Variants in MOV10L1 observed in about 807,000 individuals in gnomAD.
MOV10L1 encodes RNA helicase Mov10l1.
MOV10L1 carries 110 observed loss-of-function variants against 143.8 expected under a neutral mutation model. That is an observed-to-expected ratio of 0.76 (90% CI 0.66 to 0.90). The LOEUF is 0.90. Ranked by LOEUF, MOV10L1 falls within the 40% of genes least tolerant of loss-of-function variation. MOV10L1 has a pLI of 0.00. For synonymous variants in MOV10L1, 593 were observed against 581.1 expected, an observed-to-expected ratio of 1.02 and a Z score of -0.29; for missense variants, 1,406 against 1,526.8, an observed-to-expected ratio of 0.92 and a Z score of 1.32.
chr22:50,090,759 C>T, intron 1 of MOV10L1: 1 of 477,930 alleles, frequency 2.1e-6, no homozygotes, highest in Non-Finnish European at 3.8e-6. Context: ...TCACCGCAAC[C>T]TCCGCCTTCT....
At chr22:50,126,154 T>C in intron 11 of MOV10L1, 48 bp from the exon 12 acceptor site, 1 of 1,345,868 alleles carries the variant, frequency 7.4e-7, no homozygotes, top group Non-Finnish European at 1.1e-6. Flanking sequence ...GCACAGAAAT[T>C]TGTGATTTTG....
chr22:50,145,885 A>AG (rs1240362481), intron 19 of MOV10L1, 75 bp downstream of exon 19: 35 of 1,587,954 alleles, frequency 2.2e-5, no homozygotes, highest in Non-Finnish European at 2.7e-5. Flanking sequence ...CTTCTGTCTG[A>AG]GGGGCGGATG....
intron 5 of MOV10L1, among the ~76,000 whole-genome samples, chr22:50,113,132 G>A (rs376932401): frequency 6.6e-6 from 1 of 152,172 alleles, no homozygotes; most frequent in East Asian, 1.9e-4. Flanking sequence ...AGTAGAAGAA[G>A]GGGAAGTAAG....
At chr22:50,154,306 C>G (rs1314002086) in intron 22 of MOV10L1, among the ~76,000 whole-genome samples, 1 of 152,098 alleles carries the variant, frequency 6.6e-6, no homozygotes, top group African/African-American at 2.4e-5. Flanking sequence ...CCTGTAACCC[C>G]AGCACTTTGG....
intron 15 of MOV10L1, among the ~76,000 whole-genome samples, chr22:50,136,494 C>T (rs778383399): frequency 8.5e-5 from 13 of 152,226 alleles, no homozygotes; most frequent in African/African-American, 1.2e-4. Context: ...ACAACAATTT[C>T]AGACATTAAC....
At chr22:50,139,968 A>G (rs948828121) in intron 15 of MOV10L1, among the ~76,000 whole-genome samples, 1 of 152,220 alleles carries the variant, frequency 6.6e-6, no homozygotes, top group South Asian at 2.1e-4. Context: ...CGCACCTGCC[A>G]TACAACCCAG....
intron 3 of MOV10L1, among the ~76,000 whole-genome samples, chr22:50,103,729 G>A (rs1035911524): frequency 6.6e-6 from 1 of 152,066 alleles, no homozygotes; most frequent in African/African-American, 2.4e-5. Context: ...CCGTGTGGCC[G>A]CAGCACCCAG....
chr22:50,104,762 G>A (rs1000890303), intron 3 of MOV10L1, among the ~76,000 whole-genome samples: 15 of 151,850 alleles, frequency 9.9e-5, no homozygotes, highest in South Asian at 2.1e-4. Flanking sequence ...GTATTTTTCC[G>A]AAAAATGTAT....
rs1466006797 is a variant in MOV10L1 at position 50,161,385 on chromosome 22, C to G, written c.3572C>G (p.Ala1191Gly). 6.3e-7 allele frequency: 1 copy of G among 1,599,484 alleles called. No homozygotes were observed. The highest frequency in any genetic ancestry group is 8.5e-7 in the Non-Finnish European group (1 of 1,173,328). The stretch of plus-strand genomic sequence containing the variant: ...GTCTACAGCTGTGGCGAGGGGGTGG[C>G]AGACCCCTCCTACCCAGTGGTGCCA... ...QSLQNCGEGV[A>G]DPSYPVVPES... Residue 1191 changes from alanine (A) to glycine (G), a missense_variant, in exon 27 of 27, where the codon GCA becomes GGA. Around this residue, in one of 3 missense-constraint regions of MOV10L1, gnomAD observed 1,233 missense variants for 1,351.4 expected, o/e 0.91. Transcript: ENST00000262794.
At chr22:50,091,128 A>T (rs2062428309) in intron 1 of MOV10L1, 1 of 167,962 alleles carries the variant, frequency 6.0e-6, no homozygotes, top group African/African-American at 2.4e-5. Flanking sequence ...GGGCCTCTGG[A>T]TCCACGAGGG....
intron 21 of MOV10L1, 29 bp from the exon 22 acceptor site, chr22:50,153,016 C>T: frequency 1.3e-6 from 2 of 1,574,218 alleles, no homozygotes; most frequent in Middle Eastern, 1.7e-4. Context: ...ACCACCTTCC[C>T]CTTGTGACCC....
intron 1 of MOV10L1, chr22:50,090,451 C>A (rs184330045): frequency 6.2e-7 from 1 of 1,604,466 alleles, no homozygotes; most frequent in African/African-American, 1.3e-5. Context: ...GTGTTTACGC[C>A]GAGCAGCTGC....
intron 19 of MOV10L1, 21 bp from the exon 20 acceptor site, chr22:50,149,594 T>C: frequency 6.2e-7 from 1 of 1,612,558 alleles, no homozygotes; most frequent in Non-Finnish European, 8.5e-7. Context: ...GAAATTACCA[T>C]TTAGAACATC....
intron 20 of MOV10L1, among the ~76,000 whole-genome samples, chr22:50,150,231 C>T (rs895180654): frequency 1.3e-5 from 2 of 152,192 alleles, no homozygotes; most frequent in African/African-American, 4.8e-5. Context: ...TTTCAGGGTC[C>T]TCCTTGGCAC....
At chr22:50,153,369 GC>G (rs2063346872) in intron 22 of MOV10L1, 151 bp downstream of exon 22, 4 of 969,476 alleles carry the variant, frequency 4.1e-6, no homozygotes, top group East Asian at 2.6e-5. Context: ...GGGGGCTTGT[GC>G]CCCCCAAGAT....
At chr22:50,100,482 G>A (rs988276370) in intron 3 of MOV10L1, among the ~76,000 whole-genome samples, 5 of 152,032 alleles carry the variant, frequency 3.3e-5, no homozygotes, top group African/African-American at 7.2e-5. Flanking sequence ...GACATTGTAC[G>A]TTTCCTAAAG....
At chr22:50,140,249 G>A (rs960687366) in intron 15 of MOV10L1, among the ~76,000 whole-genome samples, 1 of 152,240 alleles carries the variant, frequency 6.6e-6, no homozygotes, top group East Asian at 1.9e-4. Context: ...ATGTGAGCCA[G>A]CCAGTGCCAC....
chr22:50,110,130 C>G (rs1294540982), intron 5 of MOV10L1, among the ~76,000 whole-genome samples: 1 of 151,720 alleles, frequency 6.6e-6, no homozygotes, highest in African/African-American at 2.4e-5. Context: ...GCCTGGGTGA[C>G]AGAGGAAGAC....
chr22:50,147,114 ACTGCATGGACC>A, intron 19 of MOV10L1: 1 of 1,582,010 alleles, frequency 6.3e-7, no homozygotes. Flanking sequence ...CAGAGCGGGC[ACTGCATGGACC>A]CTGCACCCTG....
Sources: allele counts gnomAD v4.1 joint callset (sites outside exome capture counted in the v4.1 genomes callset), GRCh38; gene constraint gnomAD v4.1.1; regional missense constraint gnomAD v4.1.1; transcripts MANE v1.5; gene names NCBI Gene and HGNC (gene_info 2026-07-23, HGNC 2026-07-21).